Variants in LTBP1 observed in about 807,000 individuals in gnomAD.
LTBP1 encodes the protein latent transforming growth factor beta binding protein 1.
LTBP1 carries 129 observed loss-of-function variants against 207.6 expected under a neutral mutation model. That is an observed-to-expected ratio of 0.62 (90% CI 0.54 to 0.72). The LOEUF is 0.72. Among genes scored for constraint, LTBP1 ranks in the 30% least tolerant of loss-of-function variants. The probability of loss-of-function intolerance (pLI) is 0.00; values close to 1 mark genes in which losing one functional copy is unlikely to be tolerated. For missense variants in LTBP1, 2,281 were observed against 2,217.2 expected (o/e 1.03, Z -0.58); for synonymous variants, 963 against 833.7 (o/e 1.16, Z -2.67).
In LTBP1 at chr2:33,364,342, C is replaced by T. The variant is rs747791186; in HGVS notation, c.4526C>T (p.Pro1509Leu). 13 of 1,613,236 alleles carry T rather than the reference C, an allele frequency of 8.1e-6. No individual in the cohort carries two copies. The highest frequency in any genetic ancestry group is 3.3e-4 in the Middle Eastern group (2 of 6,060). ...GCGTCAGAAAAAAGATGTATACGAC[C>T]GGCTGAGTCAAACGGTATGTTTCCA... ...LDASEKRCIRPAESNEQIEET... is the reference protein window; with the variant it reads ...LDASEKRCIRLAESNEQIEET... Residue 1509 changes from proline to leucine, a missense_variant, in exon 30 of 34, where the codon CCG becomes CTG. Physicochemically the swap from Pro to Leu is moderately conservative, Grantham distance 98. Transcript: ENST00000404816.
At chr2:32,961,325 A>C (rs1044406443) in intron 2 of LTBP1, among the ~76,000 whole-genome samples, 3 of 152,212 alleles carry the variant, frequency 2.0e-5, no homozygotes, top group Non-Finnish European at 4.4e-5. Flanking sequence ...TTTAGGATGA[A>C]AGTGTGAGGG....
intron 28 of LTBP1, 44 bp from the exon 29 acceptor site, chr2:33,363,346 C>T (rs375769752): frequency 6.2e-7 from 1 of 1,605,658 alleles, no homozygotes; most frequent in Non-Finnish European, 8.5e-7. Context: ...ATTGAAAGAT[C>T]AAACCTAACT....
intron 24 of LTBP1, among the ~76,000 whole-genome samples, chr2:33,332,173 A>G (rs923557217): frequency 1.3e-5 from 2 of 152,062 alleles, no homozygotes; most frequent in African/African-American, 4.8e-5. Context: ...CACAAGCAAA[A>G]TAATTAAAAT....
At position 33,363,397 on chromosome 2, in the gene LTBP1, T is replaced by A. The variant is rs1172308743; in HGVS notation, c.4278T>A (p.Asp1426Glu). 6.2e-7 allele frequency: 1 copy of A among 1,613,746 alleles called. No homozygotes were observed. The highest frequency in any genetic ancestry group is 2.2e-5 in the East Asian group (1 of 44,852). The change falls in exon 29 of 34, where the codon GAT becomes GAA. Residue 1426 changes from aspartate to glutamate, a missense_variant. Physicochemically the swap from Asp to Glu is conservative, Grantham distance 45. Transcript: ENST00000404816. ...EAGGENYKDADECLLFGQEIC... is the reference protein window; with the variant it reads ...EAGGENYKDAEECLLFGQEIC... ...CAATTTTTTTCCCCGTAGATGCAGA[T>A]GAATGCCTACTTTTTGGACAAGAAA... is the stretch of plus-strand genomic sequence containing the variant.
rs2080556436 is a variant in LTBP1 at position 33,113,826 on chromosome 2, T to G, written c.1033+3075T>G. Among the ~76,000 whole-genome samples the G allele has an allele frequency of 2.0e-5, 3 of 152,368 alleles. No homozygotes were observed. The South Asian group carries it at 6.2e-4, about 32-fold the overall frequency. ...ATAGAGATATGTATCTCAGTTTGTT[T>G]ATCCATTCATCAGTTGATGGACATT... On this transcript the variant is annotated intron_variant, in intron 4 of 33. Coordinates refer to ENST00000404816, the MANE Select transcript of LTBP1 (RefSeq NM_206943.4).
chr2:33,131,169 A>G (rs74657935), intron 4 of LTBP1, among the ~76,000 whole-genome samples: 265 of 152,284 alleles, frequency 1.7e-3, no homozygotes, highest in Non-Finnish European at 3.2e-3. Context: ...TACTTTGTCT[A>G]TTCCACAATT....
intron 5 of LTBP1, among the ~76,000 whole-genome samples, chr2:33,175,614 G>A (rs1012896002): frequency 3.9e-5 from 6 of 152,296 alleles, no homozygotes; most frequent in Admixed American, 6.5e-5. Context: ...CAGGGATCTA[G>A]AAGTAGAAAT....
At chr2:32,960,300 G>T (rs1678883646) in intron 2 of LTBP1, among the ~76,000 whole-genome samples, 1 of 152,100 alleles carries the variant, frequency 6.6e-6, no homozygotes, top group Non-Finnish European at 1.5e-5. Context: ...TTTATGTATT[G>T]TCTGGCATTG....
chr2:33,353,807 GCA>G (rs1363288305), intron 26 of LTBP1, among the ~76,000 whole-genome samples: 3 of 151,060 alleles, frequency 2.0e-5, no homozygotes, highest in Non-Finnish European at 4.4e-5. Flanking sequence ...AACTCAAATA[GCA>G]TCCCTGTTCC....
chr2:33,097,548 T>G (rs2079463832), intron 3 of LTBP1, among the ~76,000 whole-genome samples: 1 of 152,220 alleles, frequency 6.6e-6, no homozygotes, highest in South Asian at 2.1e-4. Flanking sequence ...AAAAAAATCA[T>G]AGACATTGTT....
chr2:33,336,913 T>C (rs2094559784), intron 24 of LTBP1, among the ~76,000 whole-genome samples: 1 of 152,240 alleles, frequency 6.6e-6, no homozygotes. Context: ...ATTTTCAGAA[T>C]ATGTACAGAT....
intron 7 of LTBP1, among the ~76,000 whole-genome samples, chr2:33,197,774 G>C (rs749164642): frequency 1.7e-4 from 26 of 152,086 alleles, no homozygotes; most frequent in Non-Finnish European, 3.4e-4. Context: ...TAGAGTTCAG[G>C]GTCCAGCTTC....
At chr2:33,048,522 A>C (rs542696474) in intron 3 of LTBP1, among the ~76,000 whole-genome samples, 68 of 152,346 alleles carry the variant, frequency 4.5e-4, no homozygotes, top group African/African-American at 1.5e-3. Flanking sequence ...GAGACATTCC[A>C]CTAAGGCTGC....
chr2:33,266,983 T>TC (rs1297123826), intron 15 of LTBP1, among the ~76,000 whole-genome samples: 1 of 151,868 alleles, frequency 6.6e-6, no homozygotes, highest in East Asian at 1.9e-4. Context: ...ACCTAGGGGC[T>TC]CCCCAAGCCA....
intron 7 of LTBP1, among the ~76,000 whole-genome samples, chr2:33,214,572 C>T (rs1275281574): frequency 3.9e-5 from 6 of 152,114 alleles, no homozygotes; most frequent in Admixed American, 2.0e-4. Flanking sequence ...GTGGCCCTGC[C>T]GCTGTTCCAA....
chr2:33,079,696 A>G (rs917579275), intron 3 of LTBP1, among the ~76,000 whole-genome samples: 3 of 152,084 alleles, frequency 2.0e-5, no homozygotes, highest in Admixed American at 6.5e-5. Context: ...CTGGTCCTGC[A>G]CCCTCTAAAG....
intron 2 of LTBP1, among the ~76,000 whole-genome samples, chr2:32,991,476 A>G (rs1326702117): frequency 1.3e-5 from 2 of 152,254 alleles, no homozygotes; most frequent in East Asian, 3.8e-4. Flanking sequence ...ATGTTTTAAA[A>G]ATCACACATA....
chr2:33,084,815 C>G (rs182079480), intron 3 of LTBP1, among the ~76,000 whole-genome samples: 30 of 152,296 alleles, frequency 2.0e-4, no homozygotes, highest in Admixed American at 1.7e-3. Flanking sequence ...CCCACAGCTG[C>G]GGGGTAGAGT....
chr2:33,347,028 G>A (rs1287865456), intron 25 of LTBP1, among the ~76,000 whole-genome samples: 1 of 143,920 alleles, frequency 6.9e-6, no homozygotes, highest in Non-Finnish European at 1.5e-5. Context: ...TGAGGCAGGA[G>A]AATGGCGTGA....
Sources: allele counts gnomAD v4.1 joint callset (sites outside exome capture counted in the v4.1 genomes callset), GRCh38; gene constraint gnomAD v4.1.1; transcripts MANE v1.5; gene names NCBI Gene and HGNC (gene_info 2026-07-23, HGNC 2026-07-21).